Variants in ESRRG observed in about 807,000 individuals in gnomAD.
ESRRG encodes the protein estrogen-related receptor gamma.
A neutral mutation model predicts 44.0 loss-of-function variants in ESRRG; 13 were observed. The observed-to-expected ratio is 0.30, with a 90% confidence interval of 0.19 to 0.47. The LOEUF is 0.47. Among genes scored for constraint, ESRRG ranks in the 20% least tolerant of loss-of-function variants. ESRRG has a pLI of 1.00. For missense variants in ESRRG, 395 were observed against 580.6 expected (o/e 0.68, Z 3.29); for synonymous variants, 215 against 214.6 (o/e 1.00, Z -0.02).
At chr1:216,824,558 G>A (rs1211297400) in intron 2 of ESRRG, among the ~76,000 whole-genome samples, 1 of 151,458 alleles carries the variant, frequency 6.6e-6, no homozygotes, top group Non-Finnish European at 1.5e-5. Context: ...CACAGATCCT[G>A]CAGGGAATAG....
At chr1:216,667,947 A>G (rs1466419205) in intron 2 of ESRRG, among the ~76,000 whole-genome samples, 1 of 151,544 alleles carries the variant, frequency 6.6e-6, no homozygotes, top group African/African-American at 2.4e-5. Context: ...AAATACAAAA[A>G]TTAGCCAGGT....
At chr1:216,875,143 A>G (rs2096329277) in intron 2 of ESRRG, among the ~76,000 whole-genome samples, 2 of 152,290 alleles carry the variant, frequency 1.3e-5, no homozygotes, top group East Asian at 1.9e-4. Flanking sequence ...TCGTATATAC[A>G]TATATTCTAT....
At chr1:216,957,003 T>A (rs1245715405) in intron 1 of ESRRG, among the ~76,000 whole-genome samples, 1 of 152,200 alleles carries the variant, frequency 6.6e-6, no homozygotes, top group Non-Finnish European at 1.5e-5. Context: ...ATGAAAAGCA[T>A]CATATCACTG....
At chr1:217,121,649 G>T (rs1313543748) in intron 1 of ESRRG, among the ~76,000 whole-genome samples, 1 of 152,192 alleles carries the variant, frequency 6.6e-6, no homozygotes, top group African/African-American at 2.4e-5. Flanking sequence ...CTGTTCTCTG[G>T]ACATCTGGGA....
At chr1:216,985,444 G>T (rs1168364874) in intron 1 of ESRRG, among the ~76,000 whole-genome samples, 3 of 152,198 alleles carry the variant, frequency 2.0e-5, no homozygotes, top group Admixed American at 6.5e-5. Context: ...CAAAGGCAAA[G>T]TTGCTTCCTT....
At chr1:216,601,495 G>T (rs755864262) in intron 3 of ESRRG, among the ~76,000 whole-genome samples, 1 of 152,210 alleles carries the variant, frequency 6.6e-6, no homozygotes, top group Non-Finnish European at 1.5e-5. Flanking sequence ...AGGATTCCTT[G>T]TCGCGAGTTG....
intron 2 of ESRRG, among the ~76,000 whole-genome samples, chr1:216,656,776 C>T (rs905501061): frequency 6.6e-6 from 1 of 152,140 alleles, no homozygotes; most frequent in African/African-American, 2.4e-5. Context: ...CTTTTTCATA[C>T]ATACAGACAT....
chr1:216,517,749 G>T (rs1452566008), intron 6 of ESRRG, among the ~76,000 whole-genome samples: 1 of 152,028 alleles, frequency 6.6e-6, no homozygotes, highest in Admixed American at 6.6e-5. Context: ...GGAGAGGGAG[G>T]GCAGGGGATT....
intron 1 of ESRRG, among the ~76,000 whole-genome samples, chr1:217,020,236 C>A (rs900232939): frequency 2.0e-5 from 3 of 152,062 alleles, no homozygotes; most frequent in Non-Finnish European, 2.9e-5. Context: ...TATCACAGTA[C>A]CATATTTTAA....
chr1:216,967,089 T>C (rs1194677836), intron 1 of ESRRG, among the ~76,000 whole-genome samples: 1 of 152,100 alleles, frequency 6.6e-6, no homozygotes, highest in Non-Finnish European at 1.5e-5. Context: ...TTAGAGTAGT[T>C]TTGGTGTGAC....
intron 5 of ESRRG, among the ~76,000 whole-genome samples, chr1:216,536,424 AT>A (rs1435608729): frequency 6.6e-6 from 1 of 152,016 alleles, no homozygotes; most frequent in Non-Finnish European, 1.5e-5. Flanking sequence ...TCTATGTCTA[AT>A]TTTTCCTATG....
At chr1:216,804,476 A>AAT (rs1559702551) in intron 2 of ESRRG, among the ~76,000 whole-genome samples, 15 of 151,816 alleles carry the variant, frequency 9.9e-5, no homozygotes, top group East Asian at 3.9e-4. Flanking sequence ...ACTTTTTAAA[A>AAT]TTTTTTTTCA....
chr1:216,879,901 G>A (rs2096415851), intron 2 of ESRRG, among the ~76,000 whole-genome samples: 1 of 151,818 alleles, frequency 6.6e-6, no homozygotes, highest in South Asian at 2.1e-4. Flanking sequence ...CACTAACTAG[G>A]ATGTCCTGAA....
chr1:217,010,601 T>G (rs1364123595), intron 1 of ESRRG, among the ~76,000 whole-genome samples: 1 of 152,214 alleles, frequency 6.6e-6, no homozygotes, highest in Non-Finnish European at 1.5e-5. Flanking sequence ...GCAATGCGCT[T>G]GACAGTGATC....
At chr1:217,079,211 G>A (rs1374828857) in intron 1 of ESRRG, among the ~76,000 whole-genome samples, 1 of 152,164 alleles carries the variant, frequency 6.6e-6, no homozygotes, top group Non-Finnish European at 1.5e-5. Context: ...CAAGTCATTG[G>A]TTAACCACTT....
chr1:216,913,263 T>C (rs1235143537), intron 2 of ESRRG, among the ~76,000 whole-genome samples: 1 of 152,122 alleles, frequency 6.6e-6, no homozygotes, highest in Non-Finnish European at 1.5e-5. Context: ...TTACATAGTT[T>C]TACATTATAT....
chr1:217,059,956 G>T (rs905124354), intron 1 of ESRRG, among the ~76,000 whole-genome samples: 11 of 152,118 alleles, frequency 7.2e-5, no homozygotes, highest in African/African-American at 2.4e-4. Context: ...GGTGACAAAT[G>T]TATTTTTTAA....
At chr1:216,535,581 G>A (rs2050700977) in intron 5 of ESRRG, among the ~76,000 whole-genome samples, 1 of 152,114 alleles carries the variant, frequency 6.6e-6, no homozygotes, top group African/African-American at 2.4e-5. Flanking sequence ...GTAAGTTAAA[G>A]AGACTGCTCT....
intron 1 of ESRRG, among the ~76,000 whole-genome samples, chr1:217,081,221 C>CTTTTTT (rs143325476): frequency 0.15 from 10,310 of 70,410 alleles, 2,982 homozygotes; most frequent in Middle Eastern, 0.25. Context: ...TAAAAATATT[C>CTTTTTT]TTTTTTTTTT....
Sources: gnomAD v4.1 joint callset for allele counts (sites outside exome capture counted in the v4.1 genomes callset) on GRCh38, gnomAD v4.1.1 for gene constraint, MANE v1.5 for transcripts, NCBI Gene and HGNC (gene_info 2026-07-23, HGNC 2026-07-21) for gene names.